The following GPM6A variants were observed in gnomAD, a reference collection of about 807,000 sequenced individuals.
GPM6A encodes neuronal membrane glycoprotein M6-a.
GPM6A carries 7 observed loss-of-function variants against 32.1 expected under a neutral mutation model. The ratio of observed to expected loss-of-function variants is 0.22; its 90% CI spans 0.12 to 0.41. The LOEUF is 0.41. Ranked by LOEUF, GPM6A falls within the 10% of genes least tolerant of loss-of-function variation. The probability of loss-of-function intolerance (pLI) is 1.00; values close to 1 mark genes in which losing one functional copy is unlikely to be tolerated. For synonymous variants in GPM6A, 130 were observed against 123.4 expected, an observed-to-expected ratio of 1.05 and a Z score of -0.35; for missense variants, 235 against 347.2, an observed-to-expected ratio of 0.68 and a Z score of 2.57.
intron 1 of GPM6A, among the ~76,000 whole-genome samples, chr4:175,823,032 G>A (rs372991153): frequency 9.9e-5 from 15 of 152,264 alleles, no homozygotes; most frequent in East Asian, 9.6e-4. Flanking sequence ...TTGGGCTGGC[G>A]ATTTTTATAA....
intron 1 of GPM6A, among the ~76,000 whole-genome samples, chr4:175,783,140 A>C (rs1733675645): frequency 6.6e-6 from 1 of 152,020 alleles, no homozygotes; most frequent in African/African-American, 2.4e-5. Context: ...GTAATTTAAA[A>C]AATTTTTTGC....
chr4:175,766,785 G>T (rs1245126968), intron 1 of GPM6A, among the ~76,000 whole-genome samples: 1 of 151,584 alleles, frequency 6.6e-6, no homozygotes, highest in African/African-American at 2.4e-5. Context: ...CTCCCGAGTA[G>T]CTGGAATTAC....
chr4:175,778,627 C>CAAAAAAAAAA (rs34286041), intron 1 of GPM6A, among the ~76,000 whole-genome samples: 86 of 75,176 alleles, frequency 1.1e-3, no homozygotes, highest in South Asian at 1.7e-3. Flanking sequence ...CTGTATCCAA[C>CAAAAAAAAAA]AAAAAAAAAA....
intron 1 of GPM6A, among the ~76,000 whole-genome samples, chr4:175,735,394 T>C (rs755602273): frequency 3.3e-5 from 5 of 152,184 alleles, no homozygotes; most frequent in Non-Finnish European, 5.9e-5. Context: ...TATTAAGTGG[T>C]CCATTCTTAG....
At chr4:175,907,430 C>T (rs4690644) in intron 1 of GPM6A, 139,974 of 152,166 alleles carry the variant, frequency 0.92, 64,754 homozygotes, top group Non-Finnish European at 0.97. Context: ...CTTGCATCTA[C>T]ATCTGTGTCC....
intron 1 of GPM6A, among the ~76,000 whole-genome samples, chr4:175,758,607 T>G (rs551312404): frequency 1.6e-4 from 24 of 152,092 alleles, no homozygotes; most frequent in African/African-American, 4.6e-4. Flanking sequence ...AAAATGACCG[T>G]TTTTTATAGA....
At chr4:175,637,861 CTATT>C (rs1351888846) in intron 6 of GPM6A, among the ~76,000 whole-genome samples, 3 of 113,978 alleles carry the variant, frequency 2.6e-5, no homozygotes, top group African/African-American at 3.6e-5. Context: ...AATATATAAT[CTATT>C]TATATATAAT....
intron 1 of GPM6A, among the ~76,000 whole-genome samples, chr4:175,950,453 T>C (rs1739770173): frequency 1.3e-5 from 2 of 152,212 alleles, no homozygotes; most frequent in Admixed American, 1.3e-4. Context: ...ATAATACTTG[T>C]GAATTATTTC....
At chr4:175,645,180 G>A (rs1741383922) in intron 4 of GPM6A, among the ~76,000 whole-genome samples, 8 of 152,132 alleles carry the variant, frequency 5.3e-5, no homozygotes, top group Admixed American at 4.6e-4. Context: ...AGAACAGGGA[G>A]GACTTGATGC....
chr4:175,704,452 A>G (rs555422023), intron 1 of GPM6A, among the ~76,000 whole-genome samples: 1 of 152,270 alleles, frequency 6.6e-6, no homozygotes, highest in African/African-American at 2.4e-5. Flanking sequence ...CAGATGGCTA[A>G]AAACAATGTG....
intron 1 of GPM6A, among the ~76,000 whole-genome samples, chr4:175,984,406 A>G (rs1433284476): frequency 3.3e-5 from 5 of 151,930 alleles, no homozygotes; most frequent in South Asian, 4.1e-4. Flanking sequence ...CTTGTGATCT[A>G]CCCACCTTGG....
rs550769041 is a variant in GPM6A at position 176,001,963 on chromosome 4, T to C, written c.-23+346A>G. On this transcript the variant is annotated intron_variant, in intron 1 of 7. Transcript: ENST00000280187. Reference sequence around the variant, plus strand: ...GGATCCTGGGTCTCTTAGTCTTTCTTTATTTCCCAAATACCGCCCCCAGCA... The same window carrying C: ...GGATCCTGGGTCTCTTAGTCTTTCTCTATTTCCCAAATACCGCCCCCAGCA... Among the ~76,000 whole-genome samples, 43 of 152,246 alleles carry C rather than the reference T, an allele frequency of 2.8e-4. No individual in the cohort carries two copies. The South Asian group carries it at 8.7e-3, about 31-fold the overall frequency.
intron 1 of GPM6A, among the ~76,000 whole-genome samples, chr4:175,869,938 A>C (rs1736855099): frequency 6.6e-6 from 1 of 152,208 alleles, no homozygotes; most frequent in Non-Finnish European, 1.5e-5. Context: ...TAGGCTTTAA[A>C]AAAATTACAC....
intron 1 of GPM6A, among the ~76,000 whole-genome samples, chr4:175,723,646 A>G (rs1274432925): frequency 6.6e-6 from 1 of 152,146 alleles, no homozygotes; most frequent in African/African-American, 2.4e-5. Flanking sequence ...TTAAGAAACA[A>G]TATGGAATGG....
intron 1 of GPM6A, among the ~76,000 whole-genome samples, chr4:175,717,362 T>G (rs1039044504): frequency 6.6e-6 from 1 of 152,200 alleles, no homozygotes; most frequent in African/African-American, 2.4e-5. Flanking sequence ...AATCTGGTAT[T>G]CATTGGTGGT....
chr4:175,874,438 G>T (rs551711351), intron 1 of GPM6A, among the ~76,000 whole-genome samples: 1 of 152,264 alleles, frequency 6.6e-6, no homozygotes, highest in South Asian at 2.1e-4. Context: ...GAGGACTGTT[G>T]ATATTGGGAG....
chr4:175,793,242 C>G (rs1374197236), intron 1 of GPM6A, among the ~76,000 whole-genome samples: 1 of 152,178 alleles, frequency 6.6e-6, no homozygotes, highest in African/African-American at 2.4e-5. Context: ...TATGAATGCT[C>G]TTACTCTGAG....
At chr4:175,913,859 C>T (rs1004044093) in intron 1 of GPM6A, among the ~76,000 whole-genome samples, 2 of 152,160 alleles carry the variant, frequency 1.3e-5, no homozygotes, top group African/African-American at 2.4e-5. Flanking sequence ...TCCATCATAC[C>T]TACCACCTGG....
At chr4:175,684,765 T>C (rs1743879166) in intron 2 of GPM6A, among the ~76,000 whole-genome samples, 1 of 152,226 alleles carries the variant, frequency 6.6e-6, no homozygotes, top group East Asian at 1.9e-4. Context: ...CACACTGTTT[T>C]AATCAGAGGG....
Sources: allele counts gnomAD v4.1 joint callset (sites outside exome capture counted in the v4.1 genomes callset), GRCh38; gene constraint gnomAD v4.1.1; transcripts MANE v1.5; gene names NCBI Gene and HGNC (gene_info 2026-07-23, HGNC 2026-07-21).